Variants in MAD1L1 observed in about 807,000 individuals in gnomAD.
The protein encoded by MAD1L1 is mitotic arrest deficient 1 like 1.
In MAD1L1, 95 loss-of-function variants were observed where a neutral mutation model predicts 96.9. The observed-to-expected ratio is 0.98, with a 90% CI of 0.83 to 1.16. The LOEUF is 1.16. Ranked by LOEUF, MAD1L1 falls within the 50% of genes most tolerant of loss-of-function variation. The pLI, the probability that MAD1L1 is intolerant of heterozygous loss-of-function variation, is 0.00. For missense variants in MAD1L1, 1,007 were observed against 954.4 expected, an observed-to-expected ratio of 1.06 and a Z score of -0.73; for synonymous variants, 473 against 396.6, an observed-to-expected ratio of 1.19 and a Z score of -2.29.
intron 17 of MAD1L1, among the ~76,000 whole-genome samples, chr7:1,899,515 G>A (rs1210963696): frequency 6.6e-6 from 1 of 152,236 alleles, no homozygotes; most frequent in Non-Finnish European, 1.5e-5. Context: ...ACCAGGCACG[G>A]GATGGTCAGC....
At chr7:2,190,896 G>A (rs1791687301) in intron 10 of MAD1L1, among the ~76,000 whole-genome samples, 1 of 152,148 alleles carries the variant, frequency 6.6e-6, no homozygotes, top group Non-Finnish European at 1.5e-5. Flanking sequence ...GACAGAATTA[G>A]GCAGCCACTT....
In MAD1L1 at chr7:1,873,545, C is replaced by CT. The variant is rs1785220171; in HGVS notation, c.1998+24654dup. On this transcript the variant is annotated intron_variant, in intron 18 of 18. Transcript: ENST00000265854. ...GAGGGGTACGGGCAAAGCACCTGGG[C>CT]TCTCTACGGATGGGGGCCAAGGGGC... Among the ~76,000 whole-genome samples, 3 of 151,374 alleles carry CT rather than the reference C, an allele frequency of 2.0e-5. No individual in the cohort carries two copies. The South Asian group carries it at 6.3e-4, about 32-fold the overall frequency.
chr7:2,195,329 C>T (rs1350965319), intron 10 of MAD1L1, among the ~76,000 whole-genome samples: 1 of 152,140 alleles, frequency 6.6e-6, no homozygotes, highest in Non-Finnish European at 1.5e-5. Flanking sequence ...TTTAAAGGAA[C>T]CTAGTTGATA....
intron 12 of MAD1L1, among the ~76,000 whole-genome samples, chr7:2,046,556 A>G (rs1279724385): frequency 6.6e-6 from 1 of 151,988 alleles, no homozygotes; most frequent in East Asian, 1.9e-4. Flanking sequence ...AAATCCTCTT[A>G]TTTTTCTGGA....
At chr7:1,978,997 G>A (rs1047140262) in intron 15 of MAD1L1, among the ~76,000 whole-genome samples, 1 of 152,226 alleles carries the variant, frequency 6.6e-6, no homozygotes, top group African/African-American at 2.4e-5. Flanking sequence ...GAGGAACATC[G>A]AATCTAGAAG....
intron 18 of MAD1L1, chr7:1,847,811 C>T (rs750586904): frequency 2.2e-5 from 9 of 414,384 alleles, no homozygotes; most frequent in African/African-American, 1.2e-4. Flanking sequence ...CACCCCTTGG[C>T]CGGCTCCAGG....
chr7:2,036,477 G>C (rs928205238), intron 12 of MAD1L1, among the ~76,000 whole-genome samples: 1 of 152,226 alleles, frequency 6.6e-6, no homozygotes, highest in Non-Finnish European at 1.5e-5. Flanking sequence ...TGGATGAAGT[G>C]TCTAGTCTGA....
chr7:1,835,299 C>T (rs575061195), intron 18 of MAD1L1, among the ~76,000 whole-genome samples: 2 of 152,208 alleles, frequency 1.3e-5, no homozygotes, highest in African/African-American at 4.8e-5. Flanking sequence ...CAGCATCATC[C>T]TGAAGGTTCC....
At chr7:2,042,883 G>GTCCACGTCCACGTCCACA (rs1200965086) in intron 12 of MAD1L1, among the ~76,000 whole-genome samples, 1 of 16,298 alleles carries the variant, frequency 6.1e-5, no homozygotes, top group Non-Finnish European at 1.1e-4. Context: ...GCACACACAT[G>GTCCACGTCCACGTCCACA]TCCACGTCCA....
chr7:1,996,097 C>T (rs966649070), intron 14 of MAD1L1, among the ~76,000 whole-genome samples: 3 of 152,234 alleles, frequency 2.0e-5, no homozygotes, highest in Non-Finnish European at 4.4e-5. Flanking sequence ...GAGGCACCAG[C>T]CACGCCTCCC....
At chr7:2,183,516 T>C (rs997940519) in intron 10 of MAD1L1, among the ~76,000 whole-genome samples, 4 of 152,084 alleles carry the variant, frequency 2.6e-5, no homozygotes, top group African/African-American at 9.7e-5. Context: ...TGTCCAACAA[T>C]GATAGACTGG....
intron 12 of MAD1L1, among the ~76,000 whole-genome samples, chr7:2,060,253 C>T (rs930747668): frequency 3.5e-5 from 5 of 144,020 alleles, no homozygotes; most frequent in Admixed American, 7.0e-5. Flanking sequence ...CGAGATACGC[C>T]GATGCCGAGA....
chr7:1,838,640 A>C (rs1157601123), intron 18 of MAD1L1: 33 of 415,156 alleles, frequency 7.9e-5, no homozygotes, highest in Admixed American at 2.0e-4. Flanking sequence ...GTCTAGAGAC[A>C]ACACAGACAG....
intron 12 of MAD1L1, among the ~76,000 whole-genome samples, chr7:2,034,554 G>C (rs751699467): frequency 6.6e-6 from 1 of 152,124 alleles, no homozygotes; most frequent in East Asian, 1.9e-4. Context: ...AAGAAACATC[G>C]TACAGCCAAA....
chr7:1,868,425 C>T (rs938512547), intron 18 of MAD1L1, among the ~76,000 whole-genome samples: 1 of 152,098 alleles, frequency 6.6e-6, no homozygotes, highest in South Asian at 2.1e-4. Flanking sequence ...TCCCGGGCTG[C>T]GTGCTGCTGG....
chr7:1,826,379 A>G (rs1197399388), intron 18 of MAD1L1, among the ~76,000 whole-genome samples: 2 of 152,150 alleles, frequency 1.3e-5, no homozygotes, highest in African/African-American at 4.8e-5. Flanking sequence ...GACTTGTTAC[A>G]GCCTATGCCT....
At chr7:2,121,002 T>C (rs1787951101) in intron 11 of MAD1L1, among the ~76,000 whole-genome samples, 1 of 151,926 alleles carries the variant, frequency 6.6e-6, no homozygotes, top group Admixed American at 6.5e-5. Context: ...ACAGCACAGG[T>C]GGACTCGAGG....
In MAD1L1 at chr7:1,932,837, G is replaced by A. The variant is rs562714518; in HGVS notation, c.1807+3850C>T. ...CCATGTTCCTGTTGTTCAGACAGTG[G>A]GCTGTACCTCTAATGTTCTTACTTC... On this transcript the variant is annotated intron_variant, in intron 17 of 18. Coordinates refer to ENST00000265854, the MANE Select transcript of MAD1L1 (RefSeq NM_001013836.2). Among the ~76,000 whole-genome samples the A allele has an allele frequency of 7.2e-5, 11 of 152,254 alleles. No homozygotes were observed. The South Asian group carries it at 2.1e-3, about 29-fold the overall frequency.
intron 18 of MAD1L1, among the ~76,000 whole-genome samples, chr7:1,889,730 A>C (rs1786419966): frequency 6.6e-6 from 1 of 152,056 alleles, no homozygotes; most frequent in Admixed American, 6.5e-5. Flanking sequence ...TCCCCTCTGC[A>C]GGCCGGATGC....
Sources: gnomAD v4.1 joint callset for allele counts (sites outside exome capture counted in the v4.1 genomes callset) on GRCh38, gnomAD v4.1.1 for gene constraint, MANE v1.5 for transcripts, NCBI Gene and HGNC (gene_info 2026-07-23, HGNC 2026-07-21) for gene names.